FAM171A1: variants seen among roughly 807,000 people sequenced by gnomAD.
The protein encoded by FAM171A1 is family with sequence similarity 171 member A1, also known as protein FAM171A1.
In FAM171A1, 23 loss-of-function variants were observed where a neutral mutation model predicts 74.9. The ratio of observed to expected loss-of-function variants is 0.31; its 90% confidence interval spans 0.22 to 0.44. The LOEUF is 0.44. Among genes scored for constraint, FAM171A1 ranks in the 20% least tolerant of loss-of-function variants. The pLI, the probability that FAM171A1 is intolerant of heterozygous loss-of-function variation, is 1.00. For synonymous variants in FAM171A1, 527 were observed against 505.7 expected (o/e 1.04, Z -0.57); for missense variants, 1,162 against 1,159.2 (o/e 1.00, Z -0.03).
At chr10:15,258,561 T>A (rs1834613038) in intron 3 of FAM171A1, among the ~76,000 whole-genome samples, 1 of 152,164 alleles carries the variant, frequency 6.6e-6, no homozygotes, top group Admixed American at 6.5e-5. Flanking sequence ...AACTCTGTTA[T>A]CCCCATAAGC....
chr10:15,277,666 A>G (rs1481850809), intron 2 of FAM171A1, among the ~76,000 whole-genome samples: 3 of 152,240 alleles, frequency 2.0e-5, no homozygotes, highest in Non-Finnish European at 4.4e-5. Flanking sequence ...ACTATGAGAC[A>G]TGGAAAAGTT....
intron 2 of FAM171A1, among the ~76,000 whole-genome samples, chr10:15,281,241 C>G (rs1397654262): frequency 6.6e-6 from 1 of 152,238 alleles, no homozygotes; most frequent in Non-Finnish European, 1.5e-5. Context: ...CCTCCTGTAT[C>G]TCCTCCAGAA....
intron 1 of FAM171A1, among the ~76,000 whole-genome samples, chr10:15,298,801 GCT>G (rs1835192135): frequency 6.6e-6 from 1 of 152,072 alleles, no homozygotes; most frequent in Non-Finnish European, 1.5e-5. Context: ...ACAATACCCT[GCT>G]CCACTGAACA....
intron 3 of FAM171A1, among the ~76,000 whole-genome samples, chr10:15,264,343 T>A (rs981319339): frequency 1.3e-5 from 2 of 152,078 alleles, no homozygotes; most frequent in Non-Finnish European, 2.9e-5. Flanking sequence ...TCCTCACTTT[T>A]AAAACGCAAC....
chr10:15,311,871 A>G (rs1564273920), intron 1 of FAM171A1, among the ~76,000 whole-genome samples: 1 of 152,224 alleles, frequency 6.6e-6, no homozygotes, highest in Non-Finnish European at 1.5e-5. Flanking sequence ...GCTCCAAGAA[A>G]AATGATGCCT....
chr10:15,217,967 A>G (rs1833987965), intron 6 of FAM171A1, among the ~76,000 whole-genome samples: 3 of 152,124 alleles, frequency 2.0e-5, no homozygotes, highest in Non-Finnish European at 4.4e-5. Context: ...ACAATAGACA[A>G]TTCCCACGGA....
At chr10:15,248,883 C>CA (rs964408421) in intron 4 of FAM171A1, 68 bp from the exon 5 acceptor site, 9 of 1,455,358 alleles carry the variant, frequency 6.2e-6, no homozygotes, top group Admixed American at 4.7e-5. Context: ...GAAACCTTTG[C>CA]AAAAAAATAG....
intron 1 of FAM171A1, among the ~76,000 whole-genome samples, chr10:15,360,965 C>T (rs529094500): frequency 1.3e-5 from 2 of 152,260 alleles, no homozygotes; most frequent in South Asian, 2.1e-4. Flanking sequence ...TATGCTGCAA[C>T]TTTGTAACTG....
intron 1 of FAM171A1, among the ~76,000 whole-genome samples, chr10:15,325,591 T>C (rs1275495385): frequency 6.6e-6 from 1 of 152,218 alleles, no homozygotes; most frequent in African/African-American, 2.4e-5. Flanking sequence ...CTAGCTTATG[T>C]CAGGGGCTTT....
intron 5 of FAM171A1, among the ~76,000 whole-genome samples, chr10:15,238,164 A>G (rs974987053): frequency 6.6e-6 from 1 of 152,176 alleles, no homozygotes; most frequent in Non-Finnish European, 1.5e-5. Context: ...CTATAATCCA[A>G]TCACCCACCT....
At chr10:15,220,157 G>A (rs1445000767) in intron 6 of FAM171A1, among the ~76,000 whole-genome samples, 1 of 152,162 alleles carries the variant, frequency 6.6e-6, no homozygotes, top group Non-Finnish European at 1.5e-5. Context: ...CACCAGTCTT[G>A]AATGTGCATG....
chr10:15,235,288 C>T (rs555172500), intron 5 of FAM171A1, among the ~76,000 whole-genome samples: 26 of 113,360 alleles, frequency 2.3e-4, no homozygotes, highest in African/African-American at 6.1e-4. Context: ...GGAGACAGAG[C>T]GAGACTCTGT....
chr10:15,253,913 G>C (rs1834541472), intron 4 of FAM171A1, among the ~76,000 whole-genome samples: 2 of 152,190 alleles, frequency 1.3e-5, no homozygotes, highest in Non-Finnish European at 1.5e-5. Flanking sequence ...GAGGTGGAAG[G>C]TACCCGTCTT....
At chr10:15,302,911 G>A (rs77432920) in intron 1 of FAM171A1, among the ~76,000 whole-genome samples, 1,845 of 152,274 alleles carry the variant, frequency 0.012, 36 homozygotes, top group African/African-American at 0.042. Flanking sequence ...GATTAAGGCC[G>A]GGCGCGGTGG....
At chr10:15,222,689 A>T (rs4750609) in intron 5 of FAM171A1, among the ~76,000 whole-genome samples, 1 of 152,050 alleles carries the variant, frequency 6.6e-6, no homozygotes, top group Admixed American at 6.5e-5. Context: ...GGTTGCTTCG[A>T]GGCCTTATCA....
At chr10:15,265,252 CGTGTGTGTGT>C (rs368142730) in intron 3 of FAM171A1, among the ~76,000 whole-genome samples, 1 of 150,126 alleles carries the variant, frequency 6.7e-6, no homozygotes, top group Non-Finnish European at 1.5e-5. Context: ...CGTGTGTGTG[CGTGTGTGTGT>C]GTGTGCGTGT....
At chr10:15,223,496 T>TA (rs753859793) in intron 5 of FAM171A1, among the ~76,000 whole-genome samples, 63 of 152,208 alleles carry the variant, frequency 4.1e-4, no homozygotes, top group Admixed American at 6.5e-4. Context: ...GGAAGCAGAG[T>TA]AAGTCCTGCT....
chr10:15,230,748 A>C (rs896825747), intron 5 of FAM171A1, among the ~76,000 whole-genome samples: 2 of 152,250 alleles, frequency 1.3e-5, no homozygotes, highest in African/African-American at 4.8e-5. Context: ...AGACTTATAG[A>C]AACTTTATTC....
chr10:15,223,966 G>T (rs1197298890), intron 5 of FAM171A1, among the ~76,000 whole-genome samples: 1 of 152,170 alleles, frequency 6.6e-6, no homozygotes, highest in Non-Finnish European at 1.5e-5. Flanking sequence ...AGCCTAGTGG[G>T]TGACCACATA....
Sources: allele counts gnomAD v4.1 joint callset (sites outside exome capture counted in the v4.1 genomes callset), GRCh38; gene constraint gnomAD v4.1.1; transcripts MANE v1.5; gene names NCBI Gene and HGNC (gene_info 2026-07-23, HGNC 2026-07-21).